The following DYTN variants were observed in gnomAD, a reference collection of about 807,000 sequenced individuals.
DYTN encodes dystrotelin.
Under a neutral mutation model 69.6 loss-of-function variants are expected in DYTN, and 75 were observed. The ratio of observed to expected loss-of-function variants is 1.08; its 90% confidence interval spans 0.89 to 1.31. The LOEUF is 1.31. Among genes scored for constraint, DYTN ranks in the 50% most tolerant of loss-of-function variants. DYTN has a pLI of 0.00. For missense variants in DYTN, 726 were observed against 688.4 expected (o/e 1.05, Z -0.61); for synonymous variants, 252 against 249.1 (o/e 1.01, Z -0.11).
chr2:206,691,243 T>G (rs372224525), intron 9 of DYTN, among the ~76,000 whole-genome samples: 1 of 152,088 alleles, frequency 6.6e-6, no homozygotes, highest in East Asian at 1.9e-4. Context: ...TGAAACCCCG[T>G]CTCTACTAAA....
At chr2:206,670,074 TAAG>T (rs778826889) in intron 9 of DYTN, among the ~76,000 whole-genome samples, 2 of 152,216 alleles carry the variant, frequency 1.3e-5, no homozygotes, top group African/African-American at 2.4e-5. Flanking sequence ...TAAGACACAA[TAAG>T]AAGATGATAG....
chr2:206,661,210 G>T (rs1259444228), intron 11 of DYTN, among the ~76,000 whole-genome samples: 1 of 152,166 alleles, frequency 6.6e-6, no homozygotes, highest in Non-Finnish European at 1.5e-5. Flanking sequence ...CTGGCCTCCA[G>T]GACTGTGAGA....
intron 1 of DYTN, among the ~76,000 whole-genome samples, chr2:206,713,011 T>C (rs1574605750): frequency 6.6e-6 from 1 of 152,196 alleles, no homozygotes; most frequent in Non-Finnish European, 1.5e-5. Flanking sequence ...CACACAAGGG[T>C]GAGCAGAGAT....
chr2:206,700,285 C>T, intron 5 of DYTN, 69 bp from the exon 6 acceptor site: 1 of 1,571,074 alleles, frequency 6.4e-7, no homozygotes, highest in South Asian at 1.1e-5. Flanking sequence ...AGCAGCAGGG[C>T]TGAGAGCTGG....
chr2:206,681,354 A>G (rs1699748209), intron 9 of DYTN, among the ~76,000 whole-genome samples: 1 of 152,170 alleles, frequency 6.6e-6, no homozygotes, highest in Non-Finnish European at 1.5e-5. Flanking sequence ...TCCTATTTGA[A>G]TATCCTTTAT....
chr2:206,700,974 G>C (rs1699970566), intron 5 of DYTN: 1 of 152,194 alleles, frequency 6.6e-6, no homozygotes, highest in Non-Finnish European at 1.5e-5. Flanking sequence ...GTATTCCATG[G>C]TGTATATGTG....
intron 8 of DYTN, among the ~76,000 whole-genome samples, chr2:206,693,756 A>T (rs1284854755): frequency 6.6e-6 from 1 of 152,216 alleles, no homozygotes; most frequent in East Asian, 1.9e-4. Context: ...CATTTATTTC[A>T]CCCCAAGTTA....
At chr2:206,665,829 TC>T (rs779306619) in intron 10 of DYTN, 40 bp downstream of exon 10, 1 of 1,602,342 alleles carries the variant, frequency 6.2e-7, no homozygotes, top group Non-Finnish European at 8.5e-7. Flanking sequence ...AGGTTAGACT[TC>T]CAGGCAGTCC....
intron 9 of DYTN, among the ~76,000 whole-genome samples, chr2:206,675,461 C>T (rs2105892033): frequency 6.6e-6 from 1 of 151,358 alleles, no homozygotes; most frequent in Non-Finnish European, 1.5e-5. Flanking sequence ...TTCAAAAAGC[C>T]ATAGCTTTCC....
At position 206,660,929 on chromosome 2, in the gene DYTN, T is replaced by G. The variant is rs561940784; in HGVS notation, c.1633+1974A>C. ...GCCCCCCTCCTACCCCAAATTTATA[T>G]ATTGAAGGCCTGACTAACCCCTAGT... On this transcript the variant is annotated intron_variant, in intron 11 of 11. Coordinates refer to ENST00000452335, the MANE Select transcript of DYTN (RefSeq NM_001093730.1). 6.6e-5 allele frequency among the ~76,000 whole-genome samples: 10 copies of G among 152,254 alleles called. No individual in the cohort carries two copies. The South Asian group carries it at 2.1e-3, about 32-fold the overall frequency.
At chr2:206,683,298 T>G (rs189719358) in intron 9 of DYTN, among the ~76,000 whole-genome samples, 14 of 151,728 alleles carry the variant, frequency 9.2e-5, no homozygotes, top group Admixed American at 9.2e-4. Context: ...ACATTGGCCT[T>G]CCATCTGCCC....
At chr2:206,693,407 A>T in intron 8 of DYTN, 84 bp from the exon 9 acceptor site, 1 of 1,500,016 alleles carries the variant, frequency 6.7e-7, no homozygotes. Context: ...ACTGGCCACC[A>T]TGAAAGTTTT....
At chr2:206,698,186 T>C (rs1041555582) in intron 7 of DYTN, among the ~76,000 whole-genome samples, 6 of 152,208 alleles carry the variant, frequency 3.9e-5, no homozygotes, top group Non-Finnish European at 7.3e-5. Flanking sequence ...TTGTTCCTGC[T>C]TGCTTGGTTT....
chr2:206,698,569 T>A (rs1317754096), intron 7 of DYTN, among the ~76,000 whole-genome samples: 2 of 152,212 alleles, frequency 1.3e-5, no homozygotes, highest in African/African-American at 2.4e-5. Context: ...TGTTCACTCA[T>A]CGTGAATAAT....
chr2:206,717,079 A>ACACACACACACAC (rs1194032966), intron 1 of DYTN, among the ~76,000 whole-genome samples: 3,588 of 137,028 alleles, frequency 0.026, 59 homozygotes, highest in East Asian at 0.063. Context: ...CACACACACA[A>ACACACACACACAC]AACAAACTCA....
intron 9 of DYTN, among the ~76,000 whole-genome samples, chr2:206,685,608 C>T (rs562794625): frequency 2.4e-4 from 36 of 152,096 alleles, no homozygotes; most frequent in African/African-American, 7.5e-4. Flanking sequence ...GTCAAAAAAC[C>T]CTGGATAAAA....
In DYTN at chr2:206,702,761, T is replaced by C. The variant is rs374506933; in HGVS notation, c.483+2082A>G. Among the ~76,000 whole-genome samples the C allele has an allele frequency of 1.8e-4, 27 of 152,266 alleles. 1 individual carries two copies. Among genetic ancestry groups the C allele is most frequent in the South Asian group, 6.2e-4 (3 of 4,822 alleles). ...CTCACCAGCTCTGTGATTCTAACAC[T>C]AGTACAAAGAAAATTCACTTCTGTA... On this transcript the variant is annotated intron_variant, in intron 5 of 11. Coordinates refer to ENST00000452335, the MANE Select transcript of DYTN (RefSeq NM_001093730.1).
At chr2:206,668,752 C>T (rs555503549) in intron 9 of DYTN, among the ~76,000 whole-genome samples, 6 of 152,252 alleles carry the variant, frequency 3.9e-5, no homozygotes, top group African/African-American at 1.4e-4. Flanking sequence ...GAATTGTAAT[C>T]CCCATAATCC....
intron 9 of DYTN, among the ~76,000 whole-genome samples, chr2:206,689,595 A>G (rs1042998971): frequency 2.6e-5 from 4 of 152,100 alleles, no homozygotes; most frequent in Admixed American, 2.6e-4. Context: ...TCCTCATCTC[A>G]CCTCCAGAAA....
Sources: allele counts gnomAD v4.1 joint callset (sites outside exome capture counted in the v4.1 genomes callset), GRCh38; gene constraint gnomAD v4.1.1; transcripts MANE v1.5; gene names NCBI Gene and HGNC (gene_info 2026-07-23, HGNC 2026-07-21).